The following BAIAP3 variants were observed in gnomAD, a reference collection of about 807,000 sequenced individuals.
BAIAP3 encodes BAI1 associated protein 3.
A neutral mutation model predicts 149.7 loss-of-function variants in BAIAP3; 180 were observed. The observed-to-expected ratio is 1.20, with a 90% CI of 1.07 to 1.36. BAIAP3 has a LOEUF of 1.36. Among genes scored for constraint, BAIAP3 ranks in the 40% most tolerant of loss-of-function variants. The pLI is 0.00. For synonymous variants in BAIAP3, 845 were observed against 670.7 expected (o/e 1.26, Z -4.02); for missense variants, 1,767 against 1,563.4 (o/e 1.13, Z -2.20).
rs1180335198 is a variant in BAIAP3, at chr16:1,348,262, C to T, written c.3316C>T (p.Gln1106Ter). 6.2e-7 allele frequency: 1 copy of T among 1,602,046 alleles called. No individual in the cohort carries two copies. Among genetic ancestry groups the T allele is most frequent in the Admixed American group, 1.7e-5 (1 of 59,002 alleles). Reference protein sequence around the residue: ...PQVGGGARAGQPVTLHLCRPR... With the variant: ...PQVGGGARAG ...GGTGGGCGGGGGTGCAAGGGCTGGG[C>T]AGCCTGTCACCCTGCACCTGTGCCG... Residue 1106 changes from glutamine (Q) to a stop codon, truncating the protein, a stop_gained, in exon 33 of 34, where the codon CAG becomes TAG. Coordinates refer to ENST00000426824, the MANE Select transcript of BAIAP3 (RefSeq NM_001199097.2). LOFTEE classifies it high-confidence loss of function.
At position 1,344,158 on chromosome 16, in the gene BAIAP3, G is replaced by A. The variant is rs779413391; in HGVS notation, c.1511+12G>A. 1.7e-5 allele frequency: 28 copies of A among 1,611,722 alleles called. No homozygotes were observed. Among genetic ancestry groups the A allele is most frequent in the South Asian group, 9.9e-5 (9 of 91,060 alleles). On this transcript the variant is annotated intron_variant, in intron 16 of 33. Transcript: ENST00000426824. ...GAGCTGCTGCTGAAGTGGGTGCAGCGCCGCGTGTCAGCGTGGGTGGGGGCG... is the reference window on the plus strand; with the variant it reads ...GAGCTGCTGCTGAAGTGGGTGCAGCACCGCGTGTCAGCGTGGGTGGGGGCG...
In BAIAP3 at chr16:1,340,954, G is replaced by A. The variant is rs756320847; in HGVS notation, c.441G>A (p.Glu147=). 3 of 1,585,474 alleles carry A rather than the reference G, an allele frequency of 1.9e-6. No homozygotes were observed. Among genetic ancestry groups the A allele is most frequent in the Non-Finnish European group, 2.6e-6 (3 of 1,166,450 alleles). The change falls in exon 6 of 34, where the codon GAG becomes GAA. Residue 147 remains glutamate, a synonymous_variant. Transcript: ENST00000426824. ...VFGTSLEEHT[E]AIERVRKAKA... ...GCACCAGCCTTGAGGAGCACACTGA[G>A]GCCATCGAGCGAGTGAGGAAGGCCA... is the stretch of plus-strand genomic sequence containing the variant.
chr16:1,345,113 C>A lies in BAIAP3; in HGVS notation c.1940+14C>A, dbSNP rs528394399. 1 of 1,612,616 alleles carries A rather than the reference C, an allele frequency of 6.2e-7. No homozygotes were observed. The highest frequency in any genetic ancestry group is 1.7e-5 in the Admixed American group (1 of 60,010). ...CATCCCTGGCCGGTGGGTGCCCCGT[C>A]CCTATCTCTTGCAGACAGACTTTGG... On this transcript the variant is annotated intron_variant, in intron 21 of 33. Transcript: ENST00000426824.
intron 1 of BAIAP3, among the ~76,000 whole-genome samples, chr16:1,338,139 C>T (rs1383188634): frequency 6.6e-6 from 1 of 152,100 alleles, no homozygotes; most frequent in Non-Finnish European, 1.5e-5. Context: ...GATCTTGGTC[C>T]TCTTGATGCA....
chr16:1,340,781 G>C (rs2033873831), intron 5 of BAIAP3, 141 bp from the exon 6 acceptor site: 2 of 871,910 alleles, frequency 2.3e-6, no homozygotes, highest in Admixed American at 4.5e-5. Context: ...CTCTGCCGCT[G>C]CCTCCCAGGC....
At position 1,343,968 on chromosome 16, in the gene BAIAP3, T is replaced by G. The variant is rs572423546; in HGVS notation, c.1387-54T>G. 11 of 1,604,194 alleles carry G rather than the reference T, an allele frequency of 6.9e-6. No individual in the cohort carries two copies. The Middle Eastern group carries it at 8.8e-4, about 129-fold the overall frequency. On this transcript the variant is annotated intron_variant, in intron 15 of 33. Coordinates refer to ENST00000426824, the MANE Select transcript of BAIAP3 (RefSeq NM_001199097.2). Reference sequence around the variant, plus strand: ...CGGGCCAAGGCAGGGAGGATGTTTCTCCTCATCAGTGGCCGGTCGGGGCTG... The same window carrying G: ...CGGGCCAAGGCAGGGAGGATGTTTCGCCTCATCAGTGGCCGGTCGGGGCTG...
rs527319586 is a variant in BAIAP3, at chr16:1,340,378, C to T, written c.409-544C>T. Among the ~76,000 whole-genome samples the T allele has an allele frequency of 9.3e-5, 13 of 140,236 alleles. 1 individual carries two copies. The highest frequency in any genetic ancestry group is 1.5e-4 in the Admixed American group (2 of 13,632). 92.0% of individuals were successfully genotyped at this position (140,236 alleles called of 152,430 possible). A position where few individuals can be genotyped will look rare whatever the true frequency, so the allele number is the denominator to read the frequency against. On this transcript the variant is annotated intron_variant, in intron 5 of 33. Transcript: ENST00000426824. ...CACAGGCTGCAGGTGCACACAGACA[C>T]GCACACAGGTTGCAGGTGCACACAG...
At position 1,342,207 on chromosome 16, in the gene BAIAP3, C is replaced by CCCAG; in HGVS notation, c.883_884insAGCC (p.Arg295GlnfsTer16). The CCCAG allele has an allele frequency of 5.0e-6, 8 of 1,608,656 alleles. No homozygotes were observed. Among genetic ancestry groups the CCCAG allele is most frequent in the Non-Finnish European group, 6.8e-6 (8 of 1,176,984 alleles). On this transcript the variant is annotated frameshift_variant, in exon 11 of 34. Transcript: ENST00000426824. LOFTEE classifies it high-confidence loss of function. ...TACTTCAAACAGATCGTCAAGTCAG[C>CCCAG]CCGCGCAAACGGGACAGCAGGACCC...
chr16:1,336,670 T>C (rs1596558206), intron 1 of BAIAP3, among the ~76,000 whole-genome samples: 1 of 152,120 alleles, frequency 6.6e-6, no homozygotes, highest in Non-Finnish European at 1.5e-5. Context: ...TGGCATGGTG[T>C]GCTCAGGCCC....
At chr16:1,342,419 C>T (rs1197033447) in intron 11 of BAIAP3, 108 bp from the exon 12 acceptor site, 7 of 1,370,926 alleles carry the variant, frequency 5.1e-6, no homozygotes, top group African/African-American at 1.4e-5. Flanking sequence ...ACCCTCATTC[C>T]CCGGAGAAGG....
In BAIAP3 at chr16:1,346,684, G is replaced by C; in HGVS notation, c.2642G>C (p.Arg881Thr). 6.5e-7 allele frequency: 1 copy of C among 1,538,790 alleles called. No homozygotes were observed. The highest frequency in any genetic ancestry group is 2.0e-5 in the Admixed American group (1 of 50,980). ...NASLVKGNLS[R>T]VLEALWELLL... The stretch of plus-strand genomic sequence containing the variant: ...TCGCTGGTGAAGGGGAACCTGAGCA[G>C]GTGCGGGCGGGTGGGGTGGGATGGG... The change falls in exon 27 of 34, where the codon AGG becomes ACG. Residue 881 changes from arginine (R) to threonine (T), a missense_variant and splice_region_variant. Transcript: ENST00000426824.
rs139469260 is a variant in BAIAP3, at chr16:1,341,404, G to A, written c.646G>A (p.Gly216Ser). 2.7e-4 allele frequency: 430 copies of A among 1,612,676 alleles called. No homozygotes were observed. The Middle Eastern group carries it at 2.8e-3, about 11-fold the overall frequency. Reference sequence around the variant, plus strand: ...CGGCTTCCGCAAGGGCAGCAAGCGCGGTGGACCCCTGCCTGCCAAGTGCAT... The same window carrying A: ...CGGCTTCCGCAAGGGCAGCAAGCGCAGTGGACCCCTGCCTGCCAAGTGCAT... ...RFGFRKGSKR[G>S]GPLPAKCIQV... Residue 216 changes from glycine to serine, a missense_variant, in exon 8 of 34, where the codon GGT becomes AGT. By Grantham distance (56) the Gly-to-Ser change is moderately conservative (BLOSUM62 0). Transcript: ENST00000426824.
intron 1 of BAIAP3, among the ~76,000 whole-genome samples, chr16:1,335,017 G>A (rs1284149671): frequency 6.6e-6 from 1 of 152,218 alleles, no homozygotes; most frequent in Non-Finnish European, 1.5e-5. Flanking sequence ...CCTGCACTGG[G>A]GAGGAAGGCT....
At position 1,344,710 on chromosome 16, in the gene BAIAP3, C is replaced by T. The variant is rs1380051061; in HGVS notation, c.1757+12C>T. The stretch of plus-strand genomic sequence containing the variant: ...AGCCTCTTCCACAGGTGGGCCTGGC[C>T]CCTCAGTGCTGTCCTGGGGCTGGGG... On this transcript the variant is annotated intron_variant, in intron 19 of 33. Coordinates refer to ENST00000426824, the MANE Select transcript of BAIAP3 (RefSeq NM_001199097.2). 1.2e-5 allele frequency: 20 copies of T among 1,612,780 alleles called. No individual in the cohort carries two copies. Among genetic ancestry groups the T allele is most frequent in the Non-Finnish European group, 1.5e-5 (18 of 1,179,916 alleles).
rs2033947368 is a variant in BAIAP3, at chr16:1,341,866, G to T, written c.776G>T (p.Trp259Leu). The T allele has an allele frequency of 1.2e-6, 2 of 1,612,208 alleles. No individual in the cohort carries two copies. Among genetic ancestry groups the T allele is most frequent in the Admixed American group, 3.3e-5 (2 of 59,926 alleles). ...ACGGACCAGCTGCACCTGGACATCT[G>T]GTACAGGCCCCTGCGCCATGCAGGG... ...VSTDQLHLDI[W>L]DHDDDVSLVE... is the part of the protein sequence containing the mutation. The change falls in exon 9 of 34, where the codon TGG (tryptophan) becomes TTG (leucine). Residue 259 changes from tryptophan to leucine, a missense_variant and splice_region_variant. Physicochemically the swap from Trp to Leu is moderately conservative, Grantham distance 61. Coordinates refer to ENST00000426824, the MANE Select transcript of BAIAP3 (RefSeq NM_001199097.2).
Position 1,346,346 on chromosome 16 carries a change from G to A in BAIAP3, c.2478G>A (p.Ala826=), listed in dbSNP as rs772890590. 8.7e-6 allele frequency: 14 copies of A among 1,606,230 alleles called. No individual in the cohort carries two copies. Among genetic ancestry groups the A allele is most frequent in the South Asian group, 4.4e-5 (4 of 90,864 alleles). Residue 826 remains alanine, a synonymous_variant, in exon 25 of 34, where the codon GCG becomes GCA. Coordinates refer to ENST00000426824, the MANE Select transcript of BAIAP3 (RefSeq NM_001199097.2). ...DLQREAHTVT[A]HLTSKMVGDI... is the part of the protein sequence containing the mutation. ...AACGGGAGGCCCACACGGTGACAGC[G>A]CACCTGACCTCTAAGGTGGGTGGGG...
In BAIAP3 at chr16:1,346,211, T is replaced by A; in HGVS notation, c.2343T>A (p.Ala781=). 1 of 1,612,306 alleles carries A rather than the reference T, an allele frequency of 6.2e-7. No individual in the cohort carries two copies. Among genetic ancestry groups the A allele is most frequent in the Non-Finnish European group, 8.5e-7 (1 of 1,179,836 alleles). ...ACAATGTGGAGCTCGTGCGCAAGGC[T>A]GCTGGGCAGGCCTTGAAGGGCCTGG... ...VLNNVELVRK[A]AGQALKGLAW... The change falls in exon 25 of 34, where the codon GCT becomes GCA. Residue 781 remains alanine, a synonymous_variant. Coordinates refer to ENST00000426824, the MANE Select transcript of BAIAP3 (RefSeq NM_001199097.2).
intron 5 of BAIAP3, 125 bp from the exon 6 acceptor site, chr16:1,340,797 C>A: frequency 9.5e-7 from 1 of 1,053,490 alleles, no homozygotes; most frequent in Non-Finnish European, 1.4e-6. Context: ...CAGGCTTCCC[C>A]CAACCCTGCA....
rs776889227 is a variant in BAIAP3, at chr16:1,349,387, C to T, written c.*905C>T. 4.4e-6 allele frequency: 7 copies of T among 1,608,296 alleles called. No homozygotes were observed. The highest frequency in any genetic ancestry group is 1.7e-5 in the Admixed American group (1 of 59,984). ...CCAGGCCCATTTATGTCCCTCATGTCTCTAGATTTTCTCGTCACCCAGCCT... is the reference window on the plus strand; with the variant it reads ...CCAGGCCCATTTATGTCCCTCATGTTTCTAGATTTTCTCGTCACCCAGCCT... On this transcript the variant is annotated 3_prime_UTR_variant, in exon 34 of 34. Coordinates refer to ENST00000426824, the MANE Select transcript of BAIAP3 (RefSeq NM_001199097.2).
Sources: gnomAD v4.1 joint callset for allele counts (sites outside exome capture counted in the v4.1 genomes callset) on GRCh38, gnomAD v4.1.1 for gene constraint, MANE v1.5 for transcripts, NCBI Gene and HGNC (gene_info 2026-07-23, HGNC 2026-07-21) for gene names.